The following PIGL variants were observed in gnomAD, a reference collection of about 807,000 sequenced individuals.
PIGL encodes the protein phosphatidylinositol glycan anchor biosynthesis class L.
PIGL carries 22 observed loss-of-function variants against 31.1 expected under a neutral mutation model. The observed-to-expected ratio is 0.71, with a 90% CI of 0.51 to 1.01. The LOEUF (loss-of-function observed/expected upper bound fraction) is 1.01, where lower values mean the gene tolerates loss of function less well. PIGL is among the 50% of genes least tolerant of loss of function. The probability of loss-of-function intolerance (pLI) is 0.00; values close to 1 mark genes in which losing one functional copy is unlikely to be tolerated. For synonymous variants in PIGL, 131 were observed against 117.4 expected (o/e 1.12, Z -0.75); for missense variants, 302 against 315.9 (o/e 0.96, Z 0.33).
chr17:16,311,073 T>C (rs1028367042), intron 3 of PIGL, among the ~76,000 whole-genome samples: 22 of 152,094 alleles, frequency 1.4e-4, no homozygotes, highest in Non-Finnish European at 2.9e-4. Context: ...CAGTTTAAAA[T>C]AGAAAGACCA....
intron 2 of PIGL, among the ~76,000 whole-genome samples, chr17:16,246,443 C>T (rs572772701): frequency 1.6e-4 from 24 of 150,804 alleles, no homozygotes; most frequent in African/African-American, 4.9e-4. Flanking sequence ...ACCCGGGAAG[C>T]GGAGGTTGCA....
chr17:16,239,957 A>G (rs1171390479), intron 2 of PIGL, among the ~76,000 whole-genome samples: 1 of 152,024 alleles, frequency 6.6e-6, no homozygotes, highest in Non-Finnish European at 1.5e-5. Context: ...TTCTCCCTGA[A>G]TTACTCAGTG....
chr17:16,229,145 C>T (rs886475647), intron 1 of PIGL, among the ~76,000 whole-genome samples: 3 of 151,940 alleles, frequency 2.0e-5, no homozygotes, highest in Admixed American at 6.6e-5. Flanking sequence ...GTCTGGGTGG[C>T]GAGTGCCTAT....
intron 2 of PIGL, among the ~76,000 whole-genome samples, chr17:16,299,055 A>T (rs553430403): frequency 1.3e-3 from 192 of 152,078 alleles, no homozygotes; most frequent in African/African-American, 4.4e-3. Context: ...AATAAATACA[A>T]AAATTAGCTG....
At chr17:16,291,887 T>C (rs1169883081) in intron 2 of PIGL, among the ~76,000 whole-genome samples, 4 of 148,968 alleles carry the variant, frequency 2.7e-5, no homozygotes, top group Admixed American at 6.7e-5. Context: ...AAAAAGAAAA[T>C]AGGGCTGAGG....
intron 2 of PIGL, among the ~76,000 whole-genome samples, chr17:16,246,451 G>T: frequency 6.6e-6 from 1 of 151,200 alleles, no homozygotes; most frequent in African/African-American, 2.4e-5. Flanking sequence ...AGCGGAGGTT[G>T]CACTGAGCCG....
chr17:16,291,506 CAAAAA>C (rs71150287), intron 2 of PIGL, among the ~76,000 whole-genome samples: 4 of 99,778 alleles, frequency 4.0e-5, no homozygotes, highest in African/African-American at 3.6e-5. Flanking sequence ...GACTCTGGCT[CAAAAA>C]AAAAAAAAAA....
At chr17:16,294,766 A>C (rs2092974383) in intron 2 of PIGL, among the ~76,000 whole-genome samples, 1 of 152,150 alleles carries the variant, frequency 6.6e-6, no homozygotes, top group African/African-American at 2.4e-5. Context: ...TAGCAGAGGG[A>C]AGAACCAGGT....
intron 2 of PIGL, among the ~76,000 whole-genome samples, chr17:16,248,969 G>A (rs537717122): frequency 1.3e-5 from 2 of 152,248 alleles, no homozygotes; most frequent in East Asian, 3.9e-4. Context: ...CTCATGTGGT[G>A]GAGGGACAGA....
chr17:16,265,668 A>C (rs578142024), intron 2 of PIGL, among the ~76,000 whole-genome samples: 118 of 151,890 alleles, frequency 7.8e-4, no homozygotes, highest in African/African-American at 2.8e-3. Flanking sequence ...TGAACCCAGG[A>C]GGCAGAGGTT....
At chr17:16,244,707 C>A (rs2092736991) in intron 2 of PIGL, among the ~76,000 whole-genome samples, 1 of 152,150 alleles carries the variant, frequency 6.6e-6, no homozygotes, top group African/African-American at 2.4e-5. Context: ...CAGGGTCTCA[C>A]TCTGTCACCC....
chr17:16,287,524 T>G (rs1034920147), intron 2 of PIGL, among the ~76,000 whole-genome samples: 2 of 152,250 alleles, frequency 1.3e-5, no homozygotes, highest in African/African-American at 4.8e-5. Context: ...GAGCTGAGAC[T>G]CGAATACATT....
intron 1 of PIGL, among the ~76,000 whole-genome samples, chr17:16,226,187 C>CT (rs913147837): frequency 4.6e-5 from 7 of 151,916 alleles, no homozygotes; most frequent in Non-Finnish European, 1.0e-4. Context: ...AACCAATCAC[C>CT]TTTTTTTTCA....
chr17:16,266,915 G>C (rs1255329207), intron 2 of PIGL, among the ~76,000 whole-genome samples: 1 of 149,084 alleles, frequency 6.7e-6, no homozygotes, highest in East Asian at 2.1e-4. Flanking sequence ...TTGGGGGGGG[G>C]GGGGTTGTCG....
intron 1 of PIGL, among the ~76,000 whole-genome samples, chr17:16,232,562 A>G (rs2092683350): frequency 6.6e-6 from 1 of 152,182 alleles, no homozygotes. Flanking sequence ...TGGCCCCAAT[A>G]AAACACATTA....
intron 2 of PIGL, among the ~76,000 whole-genome samples, chr17:16,270,739 A>C (rs1261888925): frequency 6.6e-6 from 1 of 151,992 alleles, no homozygotes; most frequent in African/African-American, 2.4e-5. Flanking sequence ...TCTACTAAAA[A>C]TACAAAAATT....
chr17:16,270,672 G>A (rs981657749), intron 2 of PIGL, among the ~76,000 whole-genome samples: 5 of 151,928 alleles, frequency 3.3e-5, no homozygotes, highest in African/African-American at 4.8e-5. Context: ...TGAGGTAGGC[G>A]GATCACCTGA....
intron 1 of PIGL, among the ~76,000 whole-genome samples, chr17:16,218,557 A>T (rs1210534955): frequency 6.6e-6 from 1 of 152,146 alleles, no homozygotes; most frequent in Non-Finnish European, 1.5e-5. Context: ...AGTTTATTGC[A>T]AAGAGCAGAG....
At chr17:16,317,997 A>C in intron 6 of PIGL, 89 bp downstream of exon 6, 1 of 1,166,048 alleles carries the variant, frequency 8.6e-7, no homozygotes, top group Non-Finnish European at 1.3e-6. Flanking sequence ...AGAAGCCCTA[A>C]CTGAAGGTTT....
Sources: gnomAD v4.1 joint callset for allele counts (sites outside exome capture counted in the v4.1 genomes callset) on GRCh38, gnomAD v4.1.1 for gene constraint, MANE v1.5 for transcripts, NCBI Gene and HGNC (gene_info 2026-07-23, HGNC 2026-07-21) for gene names.